Variants in USP8 observed in about 807,000 individuals in gnomAD.
The protein encoded by USP8 is ubiquitin specific peptidase 8, also known as ubiquitin carboxyl-terminal hydrolase 8.
USP8 carries 27 observed loss-of-function variants against 130.0 expected under a neutral mutation model. That is an observed-to-expected ratio of 0.21 (90% CI 0.15 to 0.29). USP8 has a LOEUF of 0.29. Ranked by LOEUF, USP8 falls within the 10% of genes least tolerant of loss-of-function variation. The probability of loss-of-function intolerance (pLI) is 1.00; values close to 1 mark genes in which losing one functional copy is unlikely to be tolerated. For missense variants in USP8, 1,029 were observed against 1,312.2 expected, an observed-to-expected ratio of 0.78 and a Z score of 3.33; for synonymous variants, 392 against 444.1, an observed-to-expected ratio of 0.88 and a Z score of 1.48.
intron 4 of USP8, among the ~76,000 whole-genome samples, chr15:50,458,241 T>C (rs900099894): frequency 5.3e-5 from 8 of 152,180 alleles, no homozygotes; most frequent in African/African-American, 1.7e-4. Flanking sequence ...ATCCTCCGCC[T>C]TCCCAGTTCA....
chr15:50,453,860 C>CTTTTTTTTTTTT (rs71124355), intron 4 of USP8, among the ~76,000 whole-genome samples: 1 of 86,962 alleles, frequency 1.1e-5, no homozygotes, highest in Non-Finnish European at 2.1e-5. Context: ...TGGGAATATT[C>CTTTTTTTTTTTT]TTTTTTTTTT....
At chr15:50,425,617 C>T (rs553812604) in intron 1 of USP8, among the ~76,000 whole-genome samples, 1 of 151,954 alleles carries the variant, frequency 6.6e-6, no homozygotes, top group South Asian at 2.1e-4. Flanking sequence ...TCTTGTGACA[C>T]ATTGGATGCA....
At chr15:50,450,622 C>G (rs1311457919) in intron 4 of USP8, among the ~76,000 whole-genome samples, 4 of 151,838 alleles carry the variant, frequency 2.6e-5, no homozygotes, top group African/African-American at 9.7e-5. Context: ...CAGGCATGTG[C>G]CACCATGCCT....
chr15:50,455,092 T>C (rs1417913167), intron 4 of USP8, among the ~76,000 whole-genome samples: 1 of 151,364 alleles, frequency 6.6e-6, no homozygotes, highest in Non-Finnish European at 1.5e-5. Flanking sequence ...CTTCCTTTTT[T>C]TGAGACAGAG....
At position 50,450,837 on chromosome 15, in the gene USP8, A is replaced by G. The variant is rs1022502461; in HGVS notation, c.335+1352A>G. Among the ~76,000 whole-genome samples, 37 of 152,122 alleles carry G rather than the reference A, an allele frequency of 2.4e-4. 1 individual carries two copies. Among genetic ancestry groups the G allele is most frequent in the Non-Finnish European group, 2.9e-5 (2 of 68,014 alleles). Reference sequence around the variant, plus strand: ...AACATAATGCTGTTATGTAGATCCTAGTAGATAAATTTCTGCCTGTATCTG... The same window carrying G: ...AACATAATGCTGTTATGTAGATCCTGGTAGATAAATTTCTGCCTGTATCTG... On this transcript the variant is annotated intron_variant, in intron 4 of 19. Transcript: ENST00000307179.
chr15:50,500,778 G>A lies in USP8; in HGVS notation c.*1690G>A. On this transcript the variant is annotated 3_prime_UTR_variant, in exon 20 of 20. Coordinates refer to ENST00000307179, the MANE Select transcript of USP8 (RefSeq NM_005154.5). ...TGTTATCAAAGCTATATCAGGCCTG[G>A]GTGACTGAATTCTTGCAGAAAGCAG... is the stretch of plus-strand genomic sequence containing the variant. 1.9e-6 allele frequency: 3 copies of A among 1,588,704 alleles called. No individual in the cohort carries two copies. The highest frequency in any genetic ancestry group is 2.6e-6 in the Non-Finnish European group (3 of 1,166,924).
At chr15:50,478,157 T>C (rs550019532) in intron 10 of USP8, among the ~76,000 whole-genome samples, 1 of 152,212 alleles carries the variant, frequency 6.6e-6, no homozygotes, top group East Asian at 1.9e-4. Flanking sequence ...ATAGCTTGGC[T>C]TACATATGAT....
intron 1 of USP8, among the ~76,000 whole-genome samples, chr15:50,436,672 T>A (rs1164446763): frequency 2.7e-5 from 4 of 150,084 alleles, no homozygotes; most frequent in Non-Finnish European, 6.0e-5. Flanking sequence ...TAATTTTTTT[T>A]GTTTGTTTTT....
At chr15:50,429,653 TAGTG>T (rs1440177227) in intron 1 of USP8, among the ~76,000 whole-genome samples, 1 of 152,124 alleles carries the variant, frequency 6.6e-6, no homozygotes, top group Non-Finnish European at 1.5e-5. Flanking sequence ...CTGGACAACA[TAGTG>T]AGACTCTGTA....
Position 50,433,666 on chromosome 15 carries a change from C to T in USP8, c.-65-5343C>T, listed in dbSNP as rs142396092. Among the ~76,000 whole-genome samples the T allele has an allele frequency of 3.1e-3, 472 of 152,168 alleles. 2 individuals are homozygous for T. Among genetic ancestry groups the T allele is most frequent in the Admixed American group, 6.2e-3 (95 of 15,270 alleles). On this transcript the variant is annotated intron_variant, in intron 1 of 19. Transcript: ENST00000307179. ...TGTTGCCCAGGCTGCAGTGCAGTGG[C>T]GCGATCTCAGCTCACTGCAAGCTCC...
At chr15:50,435,677 A>G (rs1467427009) in intron 1 of USP8, among the ~76,000 whole-genome samples, 1 of 152,226 alleles carries the variant, frequency 6.6e-6, no homozygotes, top group Non-Finnish European at 1.5e-5. Context: ...AGGCATCCTT[A>G]AGTGACGGTA....
At chr15:50,445,569 A>AAAAAAAAAAAAAAAAT (rs56369706) in intron 3 of USP8, among the ~76,000 whole-genome samples, 1 of 128,388 alleles carries the variant, frequency 7.8e-6, no homozygotes, top group East Asian at 2.6e-4. Context: ...AAAAAAAAAA[A>AAAAAAAAAAAAAAAAT]GCCTGGGCAC....
At chr15:50,476,111 G>A (rs12439248) in intron 8 of USP8, among the ~76,000 whole-genome samples, 20,792 of 152,064 alleles carry the variant, frequency 0.14, 1,944 homozygotes, top group Middle Eastern at 0.28. Flanking sequence ...ATGTTCAAAC[G>A]ATTGACTCAG....
At chr15:50,471,561 T>A in intron 7 of USP8, 72 bp from the exon 8 acceptor site, 5 of 1,527,328 alleles carry the variant, frequency 3.3e-6, no homozygotes, top group Non-Finnish European at 4.4e-6. Context: ...GGAACAAAAC[T>A]GAGTGTCTTC....
chr15:50,479,469 T>C (rs1336357898), intron 10 of USP8, among the ~76,000 whole-genome samples: 7 of 152,224 alleles, frequency 4.6e-5, no homozygotes, highest in Non-Finnish European at 8.8e-5. Flanking sequence ...ATTTGAATTT[T>C]GTCCTGTAGG....
rs766384696 is a variant in USP8 at position 50,441,425 on chromosome 15, G to A, written c.181G>A (p.Val61Ile). The A allele has an allele frequency of 6.2e-7, 1 of 1,607,820 alleles. No homozygotes were observed. The highest frequency in any genetic ancestry group is 8.5e-7 in the Non-Finnish European group (1 of 1,178,368). Residue 61 changes from valine to isoleucine, a missense_variant, in exon 3 of 20, where the codon GTA becomes ATA. This residue lies in a region of USP8 where 281 missense variants were observed against 336.7 expected (regional missense o/e 0.83). Transcript: ENST00000307179. ...AGATCGTGATGAGGAAAGGGCCTAT[G>A]TACTATATATGAAATACGTGACTGT... Reference protein sequence around the residue: ...RLDRDEERAYVLYMKYVTVYN... With the variant: ...RLDRDEERAYILYMKYVTVYN...
rs963479842 is a variant in USP8 at position 50,508,158 on chromosome 15, A to AC, written c.*9075dup. ...CAATTAGCAGTCAATACAAAATGATACCCCCACAAAAAATCAATACTTTTG... is the reference window on the plus strand; with the variant it reads ...CAATTAGCAGTCAATACAAAATGATACCCCCCACAAAAAATCAATACTTTTG... On this transcript the variant is annotated 3_prime_UTR_variant, in exon 20 of 20. Coordinates refer to ENST00000307179, the MANE Select transcript of USP8 (RefSeq NM_005154.5). The AC allele has an allele frequency of 6.6e-6, 1 of 151,600 alleles. No individual in the cohort carries two copies. Among genetic ancestry groups the AC allele is most frequent in the Non-Finnish European group, 1.5e-5 (1 of 67,940 alleles). 9.4% of individuals were successfully genotyped at this position (151,600 alleles called of 1,614,324 possible).
At chr15:50,438,405 GA>G (rs1169409873) in intron 1 of USP8, among the ~76,000 whole-genome samples, 6 of 152,156 alleles carry the variant, frequency 3.9e-5, no homozygotes, top group African/African-American at 1.4e-4. Context: ...CCAATATGAC[GA>G]AACCCCGTAT....
intron 11 of USP8, among the ~76,000 whole-genome samples, chr15:50,482,506 A>G (rs952501452): frequency 1.3e-5 from 2 of 152,212 alleles, no homozygotes; most frequent in African/African-American, 4.8e-5. Flanking sequence ...ATCTTTGCAT[A>G]TAGTGATTTT....
Sources: allele counts gnomAD v4.1 joint callset (sites outside exome capture counted in the v4.1 genomes callset), GRCh38; gene constraint gnomAD v4.1.1; regional missense constraint gnomAD v4.1.1; transcripts MANE v1.5; gene names NCBI Gene and HGNC (gene_info 2026-07-23, HGNC 2026-07-21).